KPNA7: variants seen among roughly 807,000 people sequenced by gnomAD.
KPNA7 encodes the protein importin subunit alpha-8.
KPNA7 carries 54 observed loss-of-function variants against 53.7 expected under a neutral mutation model. The ratio of observed to expected loss-of-function variants is 1.01; its 90% CI spans 0.81 to 1.26. The LOEUF is 1.26. Ranked by LOEUF, KPNA7 falls within the 50% of genes most tolerant of loss-of-function variation. KPNA7 has a pLI of 0.00. For synonymous variants in KPNA7, 276 were observed against 259.3 expected, an observed-to-expected ratio of 1.06 and a Z score of -0.62; for missense variants, 640 against 644.5, an observed-to-expected ratio of 0.99 and a Z score of 0.07.
the KPNA7 span, among the ~76,000 whole-genome samples, chr7:99,161,486 A>C: frequency 6.6e-6 from 1 of 152,180 alleles, no homozygotes; most frequent in East Asian, 1.9e-4. Context: ...GTCCAACCTC[A>C]TAAAAGACCT....
the KPNA7 span, among the ~76,000 whole-genome samples, chr7:99,146,536 A>C: frequency 6.6e-6 from 1 of 151,974 alleles, no homozygotes; most frequent in South Asian, 2.1e-4. Context: ...TAACATGGTG[A>C]AACCCTGTCA....
rs1409151470 is a variant in KPNA7 at position 99,180,698 on chromosome 7, TGTCTGTGTCTCTCTCTCTCTCC to T, written c.1317+1163_1317+1184del. On this transcript the variant is annotated intron_variant, in intron 9 of 10. Coordinates refer to ENST00000327442, the MANE Select transcript of KPNA7 (RefSeq NM_001145715.3). ...GTGTCTCTCTCCCCGTCTGTGTCTC[TGTCTGTGTCTCTCTCTCTCTCC>T]GTCTGTGTCTCTCTCTCTCCCCGTG... 1.9e-4 allele frequency among the ~76,000 whole-genome samples: 17 copies of T among 89,824 alleles called. 1 individual carries two copies. The highest frequency in any genetic ancestry group is 4.0e-4 in the Admixed American group (3 of 7,482). 58.9% of individuals were successfully genotyped at this position (89,824 alleles called of 152,430 possible).
At chr7:99,192,991 A>ATTTT in intron 6 of KPNA7, 28 bp downstream of exon 6, 1 of 1,444,380 alleles carries the variant, frequency 6.9e-7, no homozygotes, top group Non-Finnish European at 9.3e-7. Flanking sequence ...ATTTAAAAAA[A>ATTTT]AAAAAAGAGA....
At chr7:99,176,297 C>CAAAAAAA (rs1491289534) in intron 10 of KPNA7, among the ~76,000 whole-genome samples, 2 of 57,088 alleles carry the variant, frequency 3.5e-5, no homozygotes, top group African/African-American at 5.5e-5. Context: ...GACTACGTCT[C>CAAAAAAA]AAAAAAAAAA....
chr7:99,216,563 AC>A (rs398111644), intron 1 of KPNA7, among the ~76,000 whole-genome samples: 1 of 33,128 alleles, frequency 3.0e-5, no homozygotes, highest in Admixed American at 4.7e-4. Context: ...TCTTACCAAC[AC>A]CCTCTTTTTT....
the KPNA7 span, among the ~76,000 whole-genome samples, chr7:99,153,047 C>T: frequency 6.6e-6 from 1 of 152,140 alleles, no homozygotes; most frequent in Non-Finnish European, 1.5e-5. Context: ...ACGGGCTGGT[C>T]TTAGGAGAAT....
the KPNA7 span, among the ~76,000 whole-genome samples, chr7:99,158,562 G>A: frequency 6.6e-6 from 1 of 152,058 alleles, no homozygotes; most frequent in African/African-American, 2.4e-5. Context: ...GGAGTGCAGT[G>A]GCACGATCTC....
chr7:99,174,453 C>T (rs865955720), intron 10 of KPNA7, among the ~76,000 whole-genome samples: 12 of 152,154 alleles, frequency 7.9e-5, no homozygotes, highest in Admixed American at 6.5e-4. Context: ...TCCCCTCACC[C>T]CCCAGCCTGT....
chr7:99,171,734 C>T (rs960302134), downstream of KPNA7, among the ~76,000 whole-genome samples: 2 of 152,092 alleles, frequency 1.3e-5, no homozygotes, highest in African/African-American at 2.4e-5. Flanking sequence ...CCAGCCTGGG[C>T]GACAGAGTAA....
intron 10 of KPNA7, among the ~76,000 whole-genome samples, chr7:99,174,797 A>G (rs1798840275): frequency 6.6e-6 from 1 of 151,066 alleles, no homozygotes; most frequent in Non-Finnish European, 1.5e-5. Flanking sequence ...CCCCCTTTAA[A>G]AGAGGTCTCT....
intron 9 of KPNA7, 23 bp from the exon 10 acceptor site, chr7:99,178,089 A>G (rs1798986936): frequency 8.4e-6 from 13 of 1,548,834 alleles, no homozygotes; most frequent in Non-Finnish European, 1.1e-5. Context: ...ACAAGGGGAC[A>G]TGAGACCCCC....
At chr7:99,179,073 G>GT (rs1436762103) in intron 9 of KPNA7, among the ~76,000 whole-genome samples, 3 of 152,010 alleles carry the variant, frequency 2.0e-5, no homozygotes, top group African/African-American at 7.3e-5. Flanking sequence ...CAATGCACTT[G>GT]GCCCAAATAT....
intron 10 of KPNA7, among the ~76,000 whole-genome samples, chr7:99,177,716 A>G (rs1189473723): frequency 4.6e-5 from 7 of 152,036 alleles, no homozygotes; most frequent in African/African-American, 1.7e-4. Context: ...AATAGCTTCC[A>G]GGCACCAAGA....
In KPNA7 at chr7:99,196,184, T is replaced by G; in HGVS notation, c.202-18A>C. 1 of 1,540,234 alleles carries G rather than the reference T, an allele frequency of 6.5e-7. No individual in the cohort carries two copies. The highest frequency in any genetic ancestry group is 2.4e-5 in the East Asian group (1 of 40,850). Reference sequence around the variant, plus strand: ...AGGCTGACCTGCAAGAAGAGACACATTCAGGTCAGACTGTCTGCCAAAATG... The same window carrying G: ...AGGCTGACCTGCAAGAAGAGACACAGTCAGGTCAGACTGTCTGCCAAAATG... On this transcript the variant is annotated intron_variant, in intron 3 of 10. Transcript: ENST00000327442.
intron 10 of KPNA7, 65 bp downstream of exon 10, chr7:99,177,855 T>A: frequency 6.7e-7 from 1 of 1,501,126 alleles, no homozygotes; most frequent in Non-Finnish European, 9.0e-7. Context: ...CCCGGCAGGG[T>A]GACCCTCTGC....
intron 5 of KPNA7, 132 bp from the exon 6 acceptor site, chr7:99,193,233 A>T: frequency 1.9e-6 from 1 of 527,066 alleles, no homozygotes; most frequent in Non-Finnish European, 3.3e-6. Flanking sequence ...TAGGTAGTAG[A>T]GCCACGTACT....
At chr7:99,205,241 T>G (rs112505111) in intron 2 of KPNA7, among the ~76,000 whole-genome samples, 11,961 of 150,046 alleles carry the variant, frequency 0.08, 517 homozygotes, top group South Asian at 0.15. Flanking sequence ...GGCCAACATG[T>G]TGAAACCCCA....
chr7:99,185,417 G>A (rs1789529492), intron 7 of KPNA7, among the ~76,000 whole-genome samples: 1 of 152,106 alleles, frequency 6.6e-6, no homozygotes, highest in Non-Finnish European at 1.5e-5. Flanking sequence ...CATGATCATA[G>A]CTCACTGCAG....
intron 4 of KPNA7, 78 bp from the exon 5 acceptor site, chr7:99,195,416 C>G: frequency 7.5e-7 from 1 of 1,336,704 alleles, no homozygotes; most frequent in South Asian, 1.4e-5. Context: ...AGGCCAGGTG[C>G]GGTGGCTCAC....
Sources: gnomAD v4.1 joint callset for allele counts (sites outside exome capture counted in the v4.1 genomes callset) on GRCh38, gnomAD v4.1.1 for gene constraint, MANE v1.5 for transcripts, NCBI Gene and HGNC (gene_info 2026-07-23, HGNC 2026-07-21) for gene names.